PTGFRN: variants seen among roughly 807,000 people sequenced by gnomAD.
The protein encoded by PTGFRN is prostaglandin F2 receptor negative regulator.
A neutral mutation model predicts 83.2 loss-of-function variants in PTGFRN; 35 were observed. That is an observed-to-expected ratio of 0.42 (90% CI 0.32 to 0.56). PTGFRN has a LOEUF of 0.56. Among genes scored for constraint, PTGFRN ranks in the 20% least tolerant of loss-of-function variants. The probability of loss-of-function intolerance (pLI) is 0.11; values close to 1 mark genes in which losing one functional copy is unlikely to be tolerated. For synonymous variants in PTGFRN, 519 were observed against 498.6 expected (o/e 1.04, Z -0.55); for missense variants, 1,051 against 1,179.5 (o/e 0.89, Z 1.60).
At chr1:116,983,498 C>CAAAA (rs71096893) in intron 7 of PTGFRN, among the ~76,000 whole-genome samples, 2 of 104,036 alleles carry the variant, frequency 1.9e-5, no homozygotes, top group African/African-American at 3.7e-5. Flanking sequence ...ACACTGGGAA[C>CAAAA]AAAAAAAAAA....
intron 1 of PTGFRN, among the ~76,000 whole-genome samples, chr1:116,927,430 G>A (rs1649683685): frequency 6.6e-6 from 1 of 151,928 alleles, no homozygotes; most frequent in African/African-American, 2.4e-5. Context: ...TAGTAAGAAG[G>A]AATTCAGTTA....
In PTGFRN at chr1:116,989,623, A is replaced by C. The variant is rs915336600; in HGVS notation, c.*2656A>C. The stretch of plus-strand genomic sequence containing the variant: ...TTTTCCTAATCATAAAAATAGCCCC[A>C]GAAAGAGCCTAAGCTATGTTCAGAT... On this transcript the variant is annotated 3_prime_UTR_variant, in exon 9 of 9. Transcript: ENST00000393203. 1 of 152,640 alleles carries C rather than the reference A, an allele frequency of 6.6e-6. No individual in the cohort carries two copies. Among genetic ancestry groups the C allele is most frequent in the African/African-American group, 2.4e-5 (1 of 41,458 alleles). The allele number at this position is 152,640 out of a possible 1,614,324, so 9.5% of individuals were successfully genotyped here. A position where few individuals can be genotyped will look rare whatever the true frequency, so the allele number is the denominator to read the frequency against.
chr1:116,949,477 G>A lies in PTGFRN; in HGVS notation c.1118G>A (p.Cys373Tyr). The A allele has an allele frequency of 6.2e-7, 1 of 1,614,218 alleles. No homozygotes were observed. The highest frequency in any genetic ancestry group is 8.5e-7 in the Non-Finnish European group (1 of 1,180,042). ...AAAGAAAACTCTGGCTACTATTACT[G>A]CCACGTGTCCCTGTGGGCACCCGGA... ...VSKENSGYYY[C>Y]HVSLWAPGHN... The change falls in exon 4 of 9, where the codon TGC (cysteine) becomes TAC (tyrosine). Residue 373 changes from cysteine (C) to tyrosine (Y), a missense_variant. This residue lies in a region of PTGFRN where 719 missense variants were observed against 836.6 expected (regional missense o/e 0.86). Coordinates refer to ENST00000393203, the MANE Select transcript of PTGFRN (RefSeq NM_020440.4).
intron 3 of PTGFRN, among the ~76,000 whole-genome samples, chr1:116,947,549 C>T (rs1650232435): frequency 6.6e-6 from 1 of 152,228 alleles, no homozygotes; most frequent in Non-Finnish European, 1.5e-5. Flanking sequence ...GTGAACTACA[C>T]AGCTGAAGAG....
intron 3 of PTGFRN, 52 bp downstream of exon 3, chr1:116,945,144 G>A (rs951147666): frequency 5.2e-6 from 8 of 1,544,998 alleles, no homozygotes; most frequent in Non-Finnish European, 7.0e-6. Context: ...ACTAATGATA[G>A]TGATACAAAG....
In PTGFRN at chr1:116,987,166, G is replaced by A. The variant is rs1048758345; in HGVS notation, c.*199G>A. On this transcript the variant is annotated 3_prime_UTR_variant, in exon 9 of 9. Transcript: ENST00000393203. ...ACCAGCACACGGCTCTTCTTCCCAC[G>A]GCACTTTCTGATGTAACAATCGAGT... The A allele has an allele frequency of 4.8e-5, 27 of 560,622 alleles. No homozygotes were observed. The highest frequency in any genetic ancestry group is 3.8e-4 in the African/African-American group (20 of 52,998). 34.7% of individuals were successfully genotyped at this position (560,622 alleles called of 1,614,324 possible). A position where few individuals can be genotyped will look rare whatever the true frequency, so the allele number is the denominator to read the frequency against.
At position 116,923,456 on chromosome 1, in the gene PTGFRN, C is replaced by T. The variant is rs891311047; in HGVS notation, c.49+13204C>T. Among the ~76,000 whole-genome samples the T allele has an allele frequency of 6.6e-6, 1 of 152,112 alleles. No homozygotes were observed. Among genetic ancestry groups the T allele is most frequent in the African/African-American group, 2.4e-5 (1 of 41,428 alleles). Reference sequence around the variant, plus strand: ...AGAAGGGGTGAGAAAAGTCTCCATTCTTCTTCCTGTGGATTTTCTCGTTTT... The same window carrying T: ...AGAAGGGGTGAGAAAAGTCTCCATTTTTCTTCCTGTGGATTTTCTCGTTTT... On this transcript the variant is annotated intron_variant, in intron 1 of 8. Coordinates refer to ENST00000393203, the MANE Select transcript of PTGFRN (RefSeq NM_020440.4). The surrounding 1 kb of genome is among the most constrained non-coding windows in gnomAD (Gnocchi z 4.0).
intron 2 of PTGFRN, among the ~76,000 whole-genome samples, chr1:116,944,199 G>C (rs1157280703): frequency 6.6e-6 from 1 of 152,148 alleles, no homozygotes; most frequent in Non-Finnish European, 1.5e-5. Flanking sequence ...AGATTCTGCG[G>C]GCTCCCTAGC....
At chr1:116,964,243 T>G (rs1343640322) in intron 5 of PTGFRN, among the ~76,000 whole-genome samples, 2 of 152,244 alleles carry the variant, frequency 1.3e-5, no homozygotes, top group Middle Eastern at 3.2e-3. Context: ...TGGTACCTAC[T>G]CAAATCAGGC....
chr1:116,944,926 C>G lies in PTGFRN; in HGVS notation c.666C>G (p.Leu222=), dbSNP rs768573793. The stretch of plus-strand genomic sequence containing the variant: ...GCTACCACAGTGGGGACGTGCGCCT[C>G]GACACCGTGGGCAGCGACGCCTACC... ...EQRYHSGDVR[L]DTVGSDAYRL... The change falls in exon 3 of 9, where the codon CTC becomes CTG. Residue 222 remains leucine (L), a synonymous_variant. Coordinates refer to ENST00000393203, the MANE Select transcript of PTGFRN (RefSeq NM_020440.4). The G allele has an allele frequency of 6.2e-7, 1 of 1,612,772 alleles. No homozygotes were observed. Among genetic ancestry groups the G allele is most frequent in the Non-Finnish European group, 8.5e-7 (1 of 1,180,008 alleles).
intron 7 of PTGFRN, among the ~76,000 whole-genome samples, chr1:116,974,976 C>T (rs1357842461): frequency 1.3e-5 from 2 of 152,200 alleles, no homozygotes; most frequent in Non-Finnish European, 2.9e-5. Context: ...CTTTCCTAGC[C>T]AAGGGAAGCT....
At chr1:116,935,036 A>G (rs1283755527) in intron 1 of PTGFRN, among the ~76,000 whole-genome samples, 1 of 152,208 alleles carries the variant, frequency 6.6e-6, no homozygotes, top group Non-Finnish European at 1.5e-5. Context: ...GAAATGGTCA[A>G]AAATTTTACT....
intron 1 of PTGFRN, among the ~76,000 whole-genome samples, chr1:116,939,809 T>TG (rs1431044571): frequency 6.6e-6 from 1 of 152,242 alleles, no homozygotes; most frequent in African/African-American, 2.4e-5. Flanking sequence ...TTGAATGTTT[T>TG]GCTGCTTAGA....
intron 7 of PTGFRN, among the ~76,000 whole-genome samples, chr1:116,979,466 A>G (rs1339606705): frequency 1.3e-5 from 2 of 152,224 alleles, no homozygotes; most frequent in African/African-American, 2.4e-5. Context: ...CCTGACTTCA[A>G]ACTATACTAC....
At position 116,943,203 on chromosome 1, in the gene PTGFRN, A is replaced by G. The variant is rs537424596; in HGVS notation, c.418+1120A>G. Among the ~76,000 whole-genome samples the G allele has an allele frequency of 1.6e-4, 25 of 152,366 alleles. No individual in the cohort carries two copies. In the East Asian group the frequency reaches 4.4e-3, roughly 27 times the overall value. The stretch of plus-strand genomic sequence containing the variant: ...CAGAGACTGTTCCCTCACTAGACTC[A>G]TCAGGGGATAAAACTGTCCATTAAG... On this transcript the variant is annotated intron_variant, in intron 2 of 8. Coordinates refer to ENST00000393203, the MANE Select transcript of PTGFRN (RefSeq NM_020440.4).
intron 1 of PTGFRN, among the ~76,000 whole-genome samples, chr1:116,931,134 G>A (rs765540494): frequency 7.2e-5 from 11 of 152,136 alleles, no homozygotes; most frequent in Non-Finnish European, 1.3e-4. Context: ...GCACTGATAC[G>A]TTGCTCAGAG....
At chr1:116,956,652 C>G (rs1026157076) in intron 4 of PTGFRN, among the ~76,000 whole-genome samples, 1 of 152,058 alleles carries the variant, frequency 6.6e-6, no homozygotes, top group African/African-American at 2.4e-5. Flanking sequence ...GCTGGGTGCA[C>G]GCAGTGGAGG....
At chr1:116,914,549 G>C (rs765164243) in intron 1 of PTGFRN, among the ~76,000 whole-genome samples, 10 of 152,064 alleles carry the variant, frequency 6.6e-5, no homozygotes, top group Non-Finnish European at 1.3e-4. Context: ...TCAGGAGATC[G>C]AGACCGGCCT....
At chr1:116,931,523 G>A (rs1396033182) in intron 1 of PTGFRN, among the ~76,000 whole-genome samples, 1 of 148,068 alleles carries the variant, frequency 6.8e-6, no homozygotes, top group Non-Finnish European at 1.5e-5. Flanking sequence ...ATGATTATAA[G>A]CACTGTTCTA....
Sources: gnomAD v4.1 joint callset for allele counts (sites outside exome capture counted in the v4.1 genomes callset) on GRCh38, gnomAD v4.1.1 for gene constraint, gnomAD v4.1.1 regional missense constraint, Gnocchi (gnomAD v3.1) non-coding constraint, MANE v1.5 for transcripts, NCBI Gene and HGNC (gene_info 2026-07-23, HGNC 2026-07-21) for gene names.